BCAS3: variants seen among roughly 807,000 people sequenced by gnomAD.
BCAS3 encodes BCAS4/BCAS3 fusion.
BCAS3 carries 53 observed loss-of-function variants against 116.1 expected under a neutral mutation model. That is an observed-to-expected ratio of 0.46 (90% CI 0.37 to 0.57). BCAS3 has a LOEUF of 0.57. Ranked by LOEUF, BCAS3 falls within the 20% of genes least tolerant of loss-of-function variation. The pLI, the probability that BCAS3 is intolerant of heterozygous loss-of-function variation, is 0.00. For missense variants in BCAS3, 917 were observed against 1,165.4 expected (o/e 0.79, Z 3.10); for synonymous variants, 391 against 408.2 (o/e 0.96, Z 0.51).
intron 6 of BCAS3, among the ~76,000 whole-genome samples, chr17:60,782,449 T>C (rs115562386): frequency 8.7e-4 from 133 of 152,246 alleles, no homozygotes; most frequent in African/African-American, 3.1e-3. Flanking sequence ...TGAAAGCCAG[T>C]TTGGAAATCC....
chr17:61,244,636 G>T lies in BCAS3; in HGVS notation c.2426-123691G>T, dbSNP rs541642620. On this transcript the variant is annotated intron_variant, in intron 22 of 23. Coordinates refer to ENST00000407086, the MANE Select transcript of BCAS3 (RefSeq NM_017679.5). This position sits in a 1 kb window ranked among gnomAD's most constrained non-coding sequence, Gnocchi z 4.9. The stretch of plus-strand genomic sequence containing the variant: ...CCCAGCACTTTGGGAGGCCAAAGCG[G>T]GCGGATCACGAGGTCAGGAGATCGA... Among the ~76,000 whole-genome samples, 23 of 152,276 alleles carry T rather than the reference G, an allele frequency of 1.5e-4. 1 individual carries two copies. The highest frequency in any genetic ancestry group is 5.5e-4 in the African/African-American group (23 of 41,556).
In BCAS3 at chr17:61,244,858, G is replaced by A. The variant is rs1172713899; in HGVS notation, c.2426-123469G>A. On this transcript the variant is annotated intron_variant, in intron 22 of 23. Coordinates refer to ENST00000407086, the MANE Select transcript of BCAS3 (RefSeq NM_017679.5). The surrounding 1 kb of genome is among the most constrained non-coding windows in gnomAD (Gnocchi z 4.9). Reference sequence around the variant, plus strand: ...AGCCTGAGCAACAGAGTGAGACTCCGTCTCAAAAAAAATAAATAAATAAAA... The same window carrying A: ...AGCCTGAGCAACAGAGTGAGACTCCATCTCAAAAAAAATAAATAAATAAAA... 2.0e-5 allele frequency among the ~76,000 whole-genome samples: 3 copies of A among 151,946 alleles called. No individual in the cohort carries two copies. Among genetic ancestry groups the A allele is most frequent in the Non-Finnish European group, 2.9e-5 (2 of 67,990 alleles).
At chr17:60,685,450 C>CAAA (rs1204965872) in intron 3 of BCAS3, among the ~76,000 whole-genome samples, 13 of 54,304 alleles carry the variant, frequency 2.4e-4, no homozygotes, top group Middle Eastern at 0.01. Context: ...AACTCCGTCT[C>CAAA]AAAAAAAAAA....
chr17:61,291,866 G>A (rs1282941468), intron 22 of BCAS3, among the ~76,000 whole-genome samples: 2 of 152,284 alleles, frequency 1.3e-5, no homozygotes, highest in African/African-American at 4.8e-5. Flanking sequence ...CTGTGAGTCA[G>A]TCCAGAGCAG....
intron 6 of BCAS3, among the ~76,000 whole-genome samples, chr17:60,767,200 A>C (rs1473451802): frequency 1.3e-5 from 2 of 152,080 alleles, no homozygotes; most frequent in Non-Finnish European, 2.9e-5. Flanking sequence ...CGTGGGCTGC[A>C]CCCACTGTCT....
In BCAS3 at chr17:61,162,172, A is replaced by G. The variant is rs1199595643; in HGVS notation, c.2425+77608A>G. On this transcript the variant is annotated intron_variant, in intron 22 of 23. Transcript: ENST00000407086. The surrounding 1 kb of genome is among the most constrained non-coding windows in gnomAD (Gnocchi z 5.6). ...CTTCAGTAAAAATTGAAGATATTTT[A>G]TTGGGAAATATCCTGGGTAAGTAAA... Among the ~76,000 whole-genome samples the G allele has an allele frequency of 6.6e-6, 1 of 152,200 alleles. No individual in the cohort carries two copies. The highest frequency in any genetic ancestry group is 1.5e-5 in the Non-Finnish European group (1 of 68,038).
At chr17:60,974,937 G>A (rs2062199269) in intron 14 of BCAS3, among the ~76,000 whole-genome samples, 2 of 150,746 alleles carry the variant, frequency 1.3e-5, no homozygotes, top group African/African-American at 4.9e-5. Context: ...AGAACATCTG[G>A]TTATACCTTT....
intron 22 of BCAS3, among the ~76,000 whole-genome samples, chr17:61,275,232 A>G (rs909565492): frequency 3.9e-5 from 6 of 152,260 alleles, no homozygotes; most frequent in African/African-American, 1.4e-4. Flanking sequence ...GTAAAAATTG[A>G]TTGAATTGTC....
In BCAS3 at chr17:61,063,557, A is replaced by G. The variant is rs2070296015; in HGVS notation, c.2030-11363A>G. On this transcript the variant is annotated intron_variant, in intron 19 of 23. Transcript: ENST00000407086. This position sits in a 1 kb window ranked among gnomAD's most constrained non-coding sequence, Gnocchi z 5.3. The stretch of plus-strand genomic sequence containing the variant: ...GCTGGGATTACAGGCATGAGCCACC[A>G]TGCCCGGCCTCCTGTTATAGTTCTT... 6.6e-6 allele frequency among the ~76,000 whole-genome samples: 1 copy of G among 152,088 alleles called. No homozygotes were observed. The highest frequency in any genetic ancestry group is 2.4e-5 in the African/African-American group (1 of 41,438).
chr17:60,927,458 T>G (rs1258837418), intron 13 of BCAS3, among the ~76,000 whole-genome samples: 1 of 152,180 alleles, frequency 6.6e-6, no homozygotes, highest in African/African-American at 2.4e-5. Context: ...GGTTTCACCA[T>G]GTTGGCTAGT....
intron 22 of BCAS3, among the ~76,000 whole-genome samples, chr17:61,250,010 A>G (rs566752634): frequency 3.9e-5 from 6 of 152,334 alleles, no homozygotes; most frequent in African/African-American, 1.4e-4. Flanking sequence ...AAGAGCAGCC[A>G]TTGTAAAACT....
chr17:61,280,849 G>C (rs2144665828), intron 22 of BCAS3, among the ~76,000 whole-genome samples: 1 of 152,266 alleles, frequency 6.6e-6, no homozygotes, highest in South Asian at 2.1e-4. Context: ...GGAGCTATCT[G>C]GGAATGTCTC....
intron 22 of BCAS3, among the ~76,000 whole-genome samples, chr17:61,230,715 A>G (rs1031449990): frequency 6.6e-6 from 1 of 152,088 alleles, no homozygotes; most frequent in African/African-American, 2.4e-5. Flanking sequence ...GGTTGATTCC[A>G]TGTCTTTACT....
At chr17:60,805,655 C>T (rs924026695) in intron 6 of BCAS3, among the ~76,000 whole-genome samples, 25 of 151,980 alleles carry the variant, frequency 1.6e-4, no homozygotes, top group African/African-American at 5.8e-4. Context: ...CGGTGAAACC[C>T]CGGCTCTACT....
rs917511145 is a variant in BCAS3 at position 61,325,633 on chromosome 17, A to C, written c.2426-42694A>C. On this transcript the variant is annotated intron_variant, in intron 22 of 23. Coordinates refer to ENST00000407086, the MANE Select transcript of BCAS3 (RefSeq NM_017679.5). The surrounding 1 kb of genome is among the most constrained non-coding windows in gnomAD (Gnocchi z 6.4). The stretch of plus-strand genomic sequence containing the variant: ...GGGAGCATTGATATATGGCCCAAGC[A>C]AGGGACTAAAATCTTAAAGTGACAG... 2.0e-5 allele frequency among the ~76,000 whole-genome samples: 3 copies of C among 152,218 alleles called. No homozygotes were observed. Among genetic ancestry groups the C allele is most frequent in the Admixed American group, 6.5e-5 (1 of 15,284 alleles).
intron 22 of BCAS3, among the ~76,000 whole-genome samples, chr17:61,289,242 G>T (rs574142536): frequency 6.6e-6 from 1 of 152,312 alleles, no homozygotes; most frequent in Non-Finnish European, 1.5e-5. Flanking sequence ...GGCGGGGTGT[G>T]GTGGGGGTGC....
intron 7 of BCAS3, among the ~76,000 whole-genome samples, chr17:60,820,408 G>T (rs562376932): frequency 6.6e-6 from 1 of 152,144 alleles, no homozygotes; most frequent in East Asian, 1.9e-4. Context: ...GAAACTAGGG[G>T]CTGGATTCTG....
chr17:61,304,491 CTT>C (rs2053679303), intron 22 of BCAS3, among the ~76,000 whole-genome samples: 1 of 152,174 alleles, frequency 6.6e-6, no homozygotes, highest in African/African-American at 2.4e-5. Flanking sequence ...CCTTCTTGCT[CTT>C]GTTTTTTCCA....
chr17:60,980,880 C>T (rs528450611), intron 14 of BCAS3, among the ~76,000 whole-genome samples: 15 of 152,130 alleles, frequency 9.9e-5, no homozygotes, highest in African/African-American at 3.6e-4. Flanking sequence ...TTTCACACTG[C>T]TGGCATGCAG....
Sources: gnomAD v4.1 joint callset for allele counts (sites outside exome capture counted in the v4.1 genomes callset) on GRCh38, gnomAD v4.1.1 for gene constraint, Gnocchi (gnomAD v3.1) non-coding constraint, MANE v1.5 for transcripts, NCBI Gene and HGNC (gene_info 2026-07-23, HGNC 2026-07-21) for gene names.